The following MYO5C variants were observed in gnomAD, a reference collection of about 807,000 sequenced individuals.
MYO5C encodes the protein myosin VC.
In MYO5C, 194 loss-of-function variants were observed where a neutral mutation model predicts 235.7. That is an observed-to-expected ratio of 0.82 (90% confidence interval 0.73 to 0.93). The LOEUF (loss-of-function observed/expected upper bound fraction) is 0.93. Ranked by LOEUF, MYO5C falls within the 40% of genes least tolerant of loss-of-function variation. The probability of loss-of-function intolerance (pLI) is 0.00; values close to 1 mark genes in which losing one functional copy is unlikely to be tolerated. For missense variants in MYO5C, 2,038 were observed against 2,127.2 expected (o/e 0.96, Z 0.82); for synonymous variants, 707 against 754.8 (o/e 0.94, Z 1.04).
intron 22 of MYO5C, among the ~76,000 whole-genome samples, chr15:52,236,274 G>A (rs1244018927): frequency 2.0e-5 from 3 of 152,230 alleles, no homozygotes; most frequent in Non-Finnish European, 2.9e-5. Context: ...GGCAGCTGGC[G>A]ATGCCCACGG....
chr15:52,286,427 C>T (rs1295232306), intron 1 of MYO5C, among the ~76,000 whole-genome samples: 2 of 152,196 alleles, frequency 1.3e-5, no homozygotes, highest in Admixed American at 6.5e-5. Flanking sequence ...GCCACCACCC[C>T]GTCTGGGAGG....
At chr15:52,270,791 C>A (rs1260127244) in intron 7 of MYO5C, among the ~76,000 whole-genome samples, 2 of 152,024 alleles carry the variant, frequency 1.3e-5, no homozygotes, top group South Asian at 2.1e-4. Context: ...GTTTGGTAGA[C>A]AAGGCCAAGG....
At position 52,192,769 on chromosome 15, in the gene MYO5C, C is replaced by T. The variant is rs150251005; in HGVS notation, c.*1133G>A. 45 of 152,226 alleles carry T rather than the reference C, an allele frequency of 3.0e-4. No homozygotes were observed. In the East Asian group the frequency reaches 7.9e-3, roughly 27 times the overall value. 9.4% of individuals were successfully genotyped at this position (152,226 alleles called of 1,614,324 possible). ...TTTTGAGAAAATTTAAAAATAAATA[C>T]ATTGAAATGCTGATTAGAGAGCGAA... On this transcript the variant is annotated 3_prime_UTR_variant, in exon 41 of 41. Coordinates refer to ENST00000261839, the MANE Select transcript of MYO5C (RefSeq NM_018728.4).
At position 52,208,539 on chromosome 15, in the gene MYO5C, G is replaced by C; in HGVS notation, c.4386+15C>G. The C allele has an allele frequency of 6.2e-7, 1 of 1,612,972 alleles. No individual in the cohort carries two copies. Among genetic ancestry groups the C allele is most frequent in the Non-Finnish European group, 8.5e-7 (1 of 1,179,178 alleles). ...GCTGTCAGCACAAAACAACAAGCAG[G>C]TGGGCGCCCCCTACCTCTTCTCCGC... On this transcript the variant is annotated intron_variant, in intron 36 of 40. Transcript: ENST00000261839.
At chr15:52,284,839 CT>C (rs367736735) in intron 1 of MYO5C, among the ~76,000 whole-genome samples, 78,075 of 141,162 alleles carry the variant, frequency 0.55, 24,987 homozygotes, top group Non-Finnish European at 0.72. Flanking sequence ...TTCTTTCTTT[CT>C]TTTTTTTTTT....
intron 8 of MYO5C, among the ~76,000 whole-genome samples, chr15:52,265,536 G>GTTTTT (rs1450130591): frequency 7.2e-6 from 1 of 139,150 alleles, no homozygotes; most frequent in African/African-American, 2.8e-5. Flanking sequence ...AAAACCTACA[G>GTTTTT]TTTTTTGTTT....
At chr15:52,285,704 C>T (rs920477648) in intron 1 of MYO5C, among the ~76,000 whole-genome samples, 2 of 152,260 alleles carry the variant, frequency 1.3e-5, no homozygotes, top group African/African-American at 2.4e-5. Context: ...CTCCGAACCA[C>T]GAGTGATCCG....
chr15:52,194,092 T>G, intron 40 of MYO5C, 38 bp from the exon 41 acceptor site: 1 of 1,597,640 alleles, frequency 6.3e-7, no homozygotes, highest in Non-Finnish European at 8.5e-7. Context: ...GTAAGGAAAC[T>G]AACATGTTCT....
intron 23 of MYO5C, among the ~76,000 whole-genome samples, chr15:52,234,552 A>T (rs748700344): frequency 1.9e-4 from 29 of 152,048 alleles, no homozygotes; most frequent in Admixed American, 7.2e-4. Flanking sequence ...AGATGAGGAA[A>T]CCCTTTCCTA....
chr15:52,271,853 T>G lies in MYO5C; in HGVS notation c.751-9A>C, dbSNP rs760197880. ...TTTCGTTCATTTTCCGACTGTAAGA[T>G]AAAGAAATGTCCTCAAAATTACACC... On this transcript the variant is annotated splice_polypyrimidine_tract_variant and intron_variant, in intron 6 of 40. Coordinates refer to ENST00000261839, the MANE Select transcript of MYO5C (RefSeq NM_018728.4). 6.4e-7 allele frequency: 1 copy of G among 1,571,400 alleles called. No homozygotes were observed. The highest frequency in any genetic ancestry group is 1.7e-5 in the Admixed American group (1 of 57,944).
chr15:52,240,434 G>C (rs1276803096), intron 20 of MYO5C, among the ~76,000 whole-genome samples: 1 of 151,452 alleles, frequency 6.6e-6, no homozygotes, highest in Non-Finnish European at 1.5e-5. Context: ...AGCCAGGTGT[G>C]GTGGCACGTA....
At chr15:52,240,549 AAAAAG>A (rs772701850) in intron 20 of MYO5C, among the ~76,000 whole-genome samples, 1,864 of 121,546 alleles carry the variant, frequency 0.015, 65 homozygotes, top group Middle Eastern at 0.025. Flanking sequence ...ACAAAAAAAG[AAAAAG>A]AAGAAAAAAG....
intron 22 of MYO5C, 157 bp downstream of exon 22, chr15:52,237,325 G>A (rs935675523): frequency 6.3e-6 from 5 of 794,868 alleles, no homozygotes; most frequent in African/African-American, 1.7e-5. Flanking sequence ...CTCTGATCTC[G>A]CCTTTCCTAA....
chr15:52,234,111 G>T (rs2036027133), intron 23 of MYO5C, among the ~76,000 whole-genome samples: 1 of 152,320 alleles, frequency 6.6e-6, no homozygotes, highest in South Asian at 2.1e-4. Flanking sequence ...TTTAATTCTG[G>T]TGCTTACCAT....
intron 1 of MYO5C, among the ~76,000 whole-genome samples, chr15:52,285,023 T>A (rs546747444): frequency 8.9e-4 from 136 of 152,180 alleles, no homozygotes; most frequent in African/African-American, 3.2e-3. Flanking sequence ...TCTTTCAACA[T>A]TGCATTATGC....
intron 28 of MYO5C, among the ~76,000 whole-genome samples, chr15:52,224,526 CTG>C (rs1251980936): frequency 6.6e-6 from 1 of 152,080 alleles, no homozygotes; most frequent in African/African-American, 2.4e-5. Flanking sequence ...TGGGAACTCT[CTG>C]TATTTCTGCT....
At chr15:52,218,056 A>G (rs1319183454) in intron 32 of MYO5C, among the ~76,000 whole-genome samples, 1 of 152,234 alleles carries the variant, frequency 6.6e-6, no homozygotes, top group East Asian at 1.9e-4. Context: ...ACACTTTTAA[A>G]AAGTTTTTAA....
intron 8 of MYO5C, among the ~76,000 whole-genome samples, chr15:52,265,021 G>A (rs919111765): frequency 6.6e-6 from 1 of 152,124 alleles, no homozygotes; most frequent in Admixed American, 6.5e-5. Context: ...TGCCCCCCAG[G>A]TGCCCACTGC....
At chr15:52,232,706 T>G (rs1016557638) in intron 23 of MYO5C, 21 bp from the exon 24 acceptor site, 1 of 1,607,762 alleles carries the variant, frequency 6.2e-7, no homozygotes, top group African/African-American at 1.3e-5. Context: ...AGAATGCTTT[T>G]TGAGATATGT....
Sources: gnomAD v4.1 joint callset for allele counts (sites outside exome capture counted in the v4.1 genomes callset) on GRCh38, gnomAD v4.1.1 for gene constraint, MANE v1.5 for transcripts, NCBI Gene and HGNC (gene_info 2026-07-23, HGNC 2026-07-21) for gene names.